The following CMPK1 variants were observed in gnomAD, a reference collection of about 807,000 sequenced individuals.
CMPK1 encodes the protein cytidine/uridine monophosphate kinase 1, also known as UMP-CMP kinase.
In CMPK1, 10 loss-of-function variants were observed where a neutral mutation model predicts 25.7. The ratio of observed to expected loss-of-function variants is 0.39; its 90% CI spans 0.24 to 0.66. The LOEUF (loss-of-function observed/expected upper bound fraction) is 0.66. CMPK1 is among the 30% of genes least tolerant of loss of function. CMPK1 has a pLI of 0.48. For synonymous variants in CMPK1, 106 were observed against 101.5 expected (o/e 1.04, Z -0.27); for missense variants, 199 against 280.5 (o/e 0.71, Z 2.08).
At position 47,372,979 on chromosome 1, in the gene CMPK1, A is replaced by G. The variant is rs376110727; in HGVS notation, c.343A>G (p.Asn115Asp). The G allele has an allele frequency of 1.5e-5, 24 of 1,612,262 alleles. No individual in the cohort carries two copies. The East Asian group carries it at 3.8e-4, about 25-fold the overall frequency. ...KREMDQTMAANAQKNKFLIDG... is the reference protein window; with the variant it reads ...KREMDQTMAADAQKNKFLIDG... ...GGAAATGGATCAGACAATGGCTGCC[A>G]ATGCTCAGAAGAATAAATTCTTGAT... Residue 115 changes from asparagine (N) to aspartate (D), a missense_variant, in exon 3 of 6, where the codon AAT becomes GAT. By Grantham distance (23) the Asn-to-Asp change is conservative. Coordinates refer to ENST00000371873, the MANE Select transcript of CMPK1 (RefSeq NM_016308.3).
At chr1:47,346,556 T>C (rs1646485695) in intron 1 of CMPK1, among the ~76,000 whole-genome samples, 1 of 151,910 alleles carries the variant, frequency 6.6e-6, no homozygotes, top group African/African-American at 2.4e-5. Context: ...CAGGCTTGAG[T>C]GCAATGGTGC....
chr1:47,354,284 G>A (rs1245758756), intron 1 of CMPK1, among the ~76,000 whole-genome samples: 1 of 152,192 alleles, frequency 6.6e-6, no homozygotes, highest in East Asian at 1.9e-4. Flanking sequence ...AGCTGTGATT[G>A]TGCCACTGTA....
chr1:47,334,408 G>A (rs1010390978), intron 1 of CMPK1, among the ~76,000 whole-genome samples: 1 of 152,206 alleles, frequency 6.6e-6, no homozygotes, highest in African/African-American at 2.4e-5. Context: ...GGCTGGGAGA[G>A]GGATCCCGGA....
chr1:47,350,456 T>C (rs1291929306), intron 1 of CMPK1, among the ~76,000 whole-genome samples: 1 of 152,096 alleles, frequency 6.6e-6, no homozygotes, highest in African/African-American at 2.4e-5. Flanking sequence ...TTCACCATGT[T>C]ACCTAGGCTG....
chr1:47,359,763 C>T (rs576445416), intron 1 of CMPK1, among the ~76,000 whole-genome samples: 10 of 152,182 alleles, frequency 6.6e-5, no homozygotes, highest in African/African-American at 2.4e-4. Flanking sequence ...CCACCTGCCT[C>T]AGCCTCCCAA....
chr1:47,346,542 C>T (rs1429557450), intron 1 of CMPK1, among the ~76,000 whole-genome samples: 6 of 151,508 alleles, frequency 4.0e-5, no homozygotes, highest in Non-Finnish European at 7.4e-5. Context: ...TTCACTCTGG[C>T]GCCCAGGCTT....
chr1:47,353,142 A>G (rs979501578), intron 1 of CMPK1, among the ~76,000 whole-genome samples: 1 of 152,250 alleles, frequency 6.6e-6, no homozygotes, highest in Non-Finnish European at 1.5e-5. Flanking sequence ...TTTGGAGACT[A>G]AGAGTAGTAT....
At chr1:47,338,517 C>CTCCCTCCCTCCCTCCCTCCT (rs1557800037) in intron 1 of CMPK1, among the ~76,000 whole-genome samples, 4 of 57,264 alleles carry the variant, frequency 7.0e-5, no homozygotes, top group Non-Finnish European at 9.3e-5. Context: ...CCTTCCTTCC[C>CTCCCTCCCTCCCTCCCTCCT]TCCCTCCCTC....
At chr1:47,352,492 G>A (rs1331419698) in intron 1 of CMPK1, among the ~76,000 whole-genome samples, 6 of 149,092 alleles carry the variant, frequency 4.0e-5, no homozygotes, top group Non-Finnish European at 6.0e-5. Flanking sequence ...GGAAAGAGAC[G>A]GGGTAGTGGT....
At chr1:47,354,621 T>C (rs1019985415) in intron 1 of CMPK1, among the ~76,000 whole-genome samples, 1 of 142,658 alleles carries the variant, frequency 7.0e-6, no homozygotes, top group Non-Finnish European at 1.5e-5. Flanking sequence ...TTTTTTTTGC[T>C]TAGCAGTGTA....
rs776512956 is a variant in CMPK1, at chr1:47,358,347, G to A, written c.172-10122G>A. ...AGGCTGATCTCAAACTCCTGGCCTCGAGCAACCCTCTCGTCTTGACCTTCC... is the reference window on the plus strand; with the variant it reads ...AGGCTGATCTCAAACTCCTGGCCTCAAGCAACCCTCTCGTCTTGACCTTCC... On this transcript the variant is annotated intron_variant, in intron 1 of 5. Coordinates refer to ENST00000371873, the MANE Select transcript of CMPK1 (RefSeq NM_016308.3). The A allele has an allele frequency of 1.6e-5, 17 of 1,037,520 alleles. No homozygotes were observed. The African/African-American group carries it at 1.8e-4, about 11-fold the overall frequency. 64.3% of individuals were successfully genotyped at this position (1,037,520 alleles called of 1,614,324 possible).
intron 1 of CMPK1, among the ~76,000 whole-genome samples, chr1:47,343,524 CA>C (rs1557802389): frequency 6.7e-6 from 1 of 148,468 alleles, no homozygotes; most frequent in East Asian, 2.0e-4. Context: ...AAAAAAGTCT[CA>C]AAAAAACCCA....
At chr1:47,339,341 A>G (rs909763542) in intron 1 of CMPK1, among the ~76,000 whole-genome samples, 1 of 152,020 alleles carries the variant, frequency 6.6e-6, no homozygotes, top group African/African-American at 2.4e-5. Context: ...ATCTGTGTCA[A>G]CTTCCTCCAG....
rs777658619 is a variant in CMPK1 at position 47,356,607 on chromosome 1, T to TTATTATTATA, written c.172-11862_172-11861insTATTATTATA. Among the ~76,000 whole-genome samples the TTATTATTATA allele has an allele frequency of 7.3e-3, 1,112 of 152,306 alleles. 4 individuals carry two copies. Among genetic ancestry groups the TTATTATTATA allele is most frequent in the East Asian group, 0.03 (158 of 5,194 alleles). ...GTTGCCATAAGTTTATAGATTAATTTGTGGAAAACTGAATAATTACAGTAT... is the reference window on the plus strand; with the variant it reads ...GTTGCCATAAGTTTATAGATTAATTTTATTATTATAGTGGAAAACTGAATAATTACAGTAT... On this transcript the variant is annotated intron_variant, in intron 1 of 5. Transcript: ENST00000371873.
chr1:47,372,291 C>T (rs1259468562), intron 2 of CMPK1, among the ~76,000 whole-genome samples: 1 of 152,186 alleles, frequency 6.6e-6, no homozygotes, highest in African/African-American at 2.4e-5. Flanking sequence ...CGGGGTTTCA[C>T]CATCTTGGCC....
chr1:47,372,006 G>A (rs991354252), intron 2 of CMPK1, among the ~76,000 whole-genome samples: 9 of 152,012 alleles, frequency 5.9e-5, no homozygotes, highest in African/African-American at 2.2e-4. Flanking sequence ...TCCATTCAGT[G>A]AGCATATCTT....
intron 1 of CMPK1, among the ~76,000 whole-genome samples, chr1:47,353,616 G>A (rs943112856): frequency 5.3e-5 from 8 of 151,888 alleles, no homozygotes; most frequent in Non-Finnish European, 8.8e-5. Flanking sequence ...TTTATATTGG[G>A]ATTCTTATCC....
Position 47,375,367 on chromosome 1 carries a change from A to G in CMPK1, c.645+74A>G, listed in dbSNP as rs529909098. ...GATTATTTGTTTTGGGGTAAGCAGG[A>G]AAAAAAGAAATACTATCACAGATTA... On this transcript the variant is annotated intron_variant, in intron 5 of 5. Transcript: ENST00000371873. 5.8e-5 allele frequency: 52 copies of G among 903,708 alleles called. No homozygotes were observed. The South Asian group carries it at 8.5e-4, about 15-fold the overall frequency. 56.0% of individuals were successfully genotyped at this position (903,708 alleles called of 1,614,324 possible). A position where few individuals can be genotyped will look rare whatever the true frequency, so the allele number is the denominator to read the frequency against.
At chr1:47,358,354 C>T in intron 1 of CMPK1, 1 of 1,082,068 alleles carries the variant, frequency 9.2e-7, no homozygotes, top group Non-Finnish European at 1.2e-6. Flanking sequence ...CTCGAGCAAC[C>T]CTCTCGTCTT....
Sources: allele counts gnomAD v4.1 joint callset (sites outside exome capture counted in the v4.1 genomes callset), GRCh38; gene constraint gnomAD v4.1.1; transcripts MANE v1.5; gene names NCBI Gene and HGNC (gene_info 2026-07-23, HGNC 2026-07-21).